MDN1: variants seen among roughly 807,000 people sequenced by gnomAD.
MDN1 encodes the protein midasin AAA ATPase 1.
Under a neutral mutation model 669.2 loss-of-function variants are expected in MDN1, and 266 were observed. The ratio of observed to expected loss-of-function variants is 0.40; its 90% confidence interval spans 0.36 to 0.44. The LOEUF is 0.44. Among genes scored for constraint, MDN1 ranks in the 20% least tolerant of loss-of-function variants. The pLI is 1.00. For synonymous variants in MDN1, 2,385 were observed against 2,457.1 expected, an observed-to-expected ratio of 0.97 and a Z score of 0.87; for missense variants, 5,940 against 6,754.0, an observed-to-expected ratio of 0.88 and a Z score of 4.22.
At chr6:89,732,133 C>A (rs928565987) in intron 34 of MDN1, among the ~76,000 whole-genome samples, 16 of 151,918 alleles carry the variant, frequency 1.1e-4, no homozygotes, top group African/African-American at 3.6e-4. Context: ...CTCATGGCAA[C>A]TGGCCAAAAA....
At position 89,786,474 on chromosome 6, in the gene MDN1, G is replaced by T. The variant is rs548854064; in HGVS notation, c.1335-1348C>A. Among the ~76,000 whole-genome samples the T allele has an allele frequency of 1.8e-4, 28 of 151,882 alleles. No homozygotes were observed. In the South Asian group the frequency reaches 5.9e-3, roughly 32 times the overall value. On this transcript the variant is annotated intron_variant, in intron 8 of 101. Coordinates refer to ENST00000369393, the MANE Select transcript of MDN1 (RefSeq NM_014611.3). Reference sequence around the variant, plus strand: ...AATTTGTTTTTAGCCAGGCATGGTGGTGTACCCCTGTAGTCCTAGCTACTC... The same window carrying T: ...AATTTGTTTTTAGCCAGGCATGGTGTTGTACCCCTGTAGTCCTAGCTACTC...
chr6:89,675,435 T>G, intron 78 of MDN1, 29 bp downstream of exon 78: 1 of 1,586,734 alleles, frequency 6.3e-7, no homozygotes, highest in Non-Finnish European at 8.6e-7. Context: ...TCCCAATTCA[T>G]GCCACAAGCC....
chr6:89,664,682 C>T, intron 84 of MDN1, 54 bp from the exon 85 acceptor site: 1 of 1,445,120 alleles, frequency 6.9e-7, no homozygotes, highest in East Asian at 2.3e-5. Flanking sequence ...ATGTTTGCTT[C>T]AGCTGTGAGA....
At position 89,706,040 on chromosome 6, in the gene MDN1, A is replaced by T; in HGVS notation, c.8148+19T>A. The T allele has an allele frequency of 6.5e-7, 1 of 1,545,734 alleles. No individual in the cohort carries two copies. Among genetic ancestry groups the T allele is most frequent in the Non-Finnish European group, 8.7e-7 (1 of 1,143,220 alleles). ...ATAAATTTTGTTGTTTAAAAATAAA[A>T]CAAGATGCAGTTCCTTACCTCATTG... On this transcript the variant is annotated intron_variant, in intron 53 of 101. Transcript: ENST00000369393.
intron 59 of MDN1, among the ~76,000 whole-genome samples, chr6:89,697,775 T>A (rs1022619269): frequency 4.0e-5 from 6 of 151,742 alleles, no homozygotes; most frequent in African/African-American, 1.5e-4. Flanking sequence ...AGAGACAGGG[T>A]TTCACCATGT....
intron 51 of MDN1, among the ~76,000 whole-genome samples, 187 bp from the exon 52 acceptor site, chr6:89,707,663 C>G (rs1461185972): frequency 6.6e-6 from 1 of 152,108 alleles, no homozygotes; most frequent in Non-Finnish European, 1.5e-5. Context: ...AAGGAAAGAT[C>G]GATGGATGGA....
intron 26 of MDN1, 57 bp downstream of exon 26, chr6:89,749,166 A>G: frequency 1.5e-5 from 22 of 1,460,118 alleles, no homozygotes; most frequent in Non-Finnish European, 2.0e-5. Context: ...TAACAAAAGA[A>G]GCCATGAAAT....
intron 2 of MDN1, among the ~76,000 whole-genome samples, chr6:89,798,133 G>T (rs1400234130): frequency 7.3e-6 from 1 of 136,612 alleles, no homozygotes; most frequent in Non-Finnish European, 1.5e-5. Flanking sequence ...AGTGAGCCGA[G>T]ATCGTGCCAC....
intron 1 of MDN1, among the ~76,000 whole-genome samples, chr6:89,809,776 A>AAAAT (rs1435433651): frequency 2.2e-5 from 3 of 137,406 alleles, no homozygotes; most frequent in Non-Finnish European, 4.7e-5. Flanking sequence ...ACTCCCTCTC[A>AAAAT]AAATAAATAA....
chr6:89,763,244 C>A (rs1308302151), intron 15 of MDN1, among the ~76,000 whole-genome samples: 2 of 151,248 alleles, frequency 1.3e-5, no homozygotes, highest in African/African-American at 2.4e-5. Context: ...TTAAACACAG[C>A]CCACACATTA....
In MDN1 at chr6:89,774,608, G is replaced by A. The variant is rs748509739; in HGVS notation, c.1934+13C>T. 5 of 1,596,148 alleles carry A rather than the reference G, an allele frequency of 3.1e-6. No individual in the cohort carries two copies. The African/African-American group carries it at 5.4e-5, about 17-fold the overall frequency. On this transcript the variant is annotated intron_variant, in intron 13 of 101. Transcript: ENST00000369393. The stretch of plus-strand genomic sequence containing the variant: ...ACCCCACAGTTGGCAGCTTAGTTTA[G>A]AGCCCTACTTACCTCTGTAGGTGAA...
chr6:89,705,441 CAT>C (rs1324623976), intron 53 of MDN1, among the ~76,000 whole-genome samples: 2 of 152,152 alleles, frequency 1.3e-5, no homozygotes, highest in Non-Finnish European at 2.9e-5. Context: ...ATTTAATCCA[CAT>C]GTGACAATAA....
rs1454845652 is a variant in MDN1 at position 89,648,063 on chromosome 6, T to G, written c.16364A>C (p.Lys5455Thr). The G allele has an allele frequency of 1.9e-6, 3 of 1,614,020 alleles. No homozygotes were observed. Among genetic ancestry groups the G allele is most frequent in the Non-Finnish European group, 2.5e-6 (3 of 1,179,958 alleles). Reference protein sequence around the residue: ...YSGSQILRLCKFQQKKTKIAQ... With the variant: ...YSGSQILRLCTFQQKKTKIAQ... ...AATCTTGGTTTTCTTTTGTTGGAAT[T>G]TGCAGAGACGTAGAATCTGGGACCC... is the stretch of plus-strand genomic sequence containing the variant. Residue 5455 changes from lysine (K) to threonine (T), a missense_variant, in exon 99 of 102, where the codon AAA becomes ACA. Physicochemically the swap from Lys to Thr is moderately conservative, Grantham distance 78. Transcript: ENST00000369393.
Position 89,662,161 on chromosome 6 carries a change from T to C in MDN1, c.14491A>G (p.Lys4831Glu), listed in dbSNP as rs1809827704. 6.2e-7 allele frequency: 1 copy of C among 1,613,998 alleles called. No homozygotes were observed. Among genetic ancestry groups the C allele is most frequent in the Non-Finnish European group, 8.5e-7 (1 of 1,180,018 alleles). Residue 4831 changes from lysine to glutamate, a missense_variant, in exon 87 of 102, where the codon AAG becomes GAG. Lys to Glu is a moderately conservative substitution (Grantham distance 56). Transcript: ENST00000369393. ...GCTTCTGCTTCTTCCTTTTCTTCCT[T>C]CTTATCTTGCTGGCTTTTATCTTTG... The part of the protein sequence containing the change: ...SNKDKSQQDK[K>E]EEKEEAEADD...
In MDN1 at chr6:89,712,065, T is replaced by C. The variant is rs770346961; in HGVS notation, c.7622A>G (p.His2541Arg). 20 of 1,614,116 alleles carry C rather than the reference T, an allele frequency of 1.2e-5. No individual in the cohort carries two copies. In the Admixed American group the frequency reaches 3.2e-4, roughly 26 times the overall value. Reference protein sequence around the residue: ...DWMLRVKWLYHLAKNIPQGLE... With the variant: ...DWMLRVKWLYRLAKNIPQGLE... Reference sequence around the variant, plus strand: ...CCCCTGCGGTATATTCTTGGCTAAATGATAAAGCCATTTAACTCTGAGCAT... The same window carrying C: ...CCCCTGCGGTATATTCTTGGCTAAACGATAAAGCCATTTAACTCTGAGCAT... Residue 2541 changes from histidine (H) to arginine (R), a missense_variant, in exon 49 of 102, where the codon CAT (histidine) becomes CGT (arginine). His to Arg is a conservative substitution (Grantham distance 29, BLOSUM62 0). Transcript: ENST00000369393.
Position 89,723,634 on chromosome 6 carries a change from ATAATAT to A in MDN1, c.5671-21_5671-16del. Reference sequence around the variant, plus strand: ...TCAACGAAGACCTAGAAATCCAAAAATAATATGAAGAAATGCCTTTGTTTCTCTTTA... The same window carrying A: ...TCAACGAAGACCTAGAAATCCAAAAAGAAGAAATGCCTTTGTTTCTCTTTA... On this transcript the variant is annotated splice_polypyrimidine_tract_variant and intron_variant, in intron 38 of 101. Transcript: ENST00000369393. 1 of 1,441,358 alleles carries A rather than the reference ATAATAT, an allele frequency of 6.9e-7. No homozygotes were observed. Among genetic ancestry groups the A allele is most frequent in the South Asian group, 1.3e-5 (1 of 77,904 alleles). The allele number at this position is 1,441,358 out of a possible 1,614,324, so 89.3% of individuals were successfully genotyped here.
At position 89,725,217 on chromosome 6, in the gene MDN1, G is replaced by C. The variant is rs1317972752; in HGVS notation, c.5652C>G (p.Phe1884Leu). The change falls in exon 38 of 102, where the codon TTC (phenylalanine) becomes TTG (leucine). Residue 1884 changes from phenylalanine (F) to leucine (L), a missense_variant. Transcript: ENST00000369393. ...ATCTTACCTGAGTGAATCTGTTAAG[G>C]AAAGACCTGGGCAAGCCTTTCCTCC... ...GGGRKGLPRS[F>L]LNRFTQVFVD... 6.2e-7 allele frequency: 1 copy of C among 1,613,928 alleles called. No homozygotes were observed. The highest frequency in any genetic ancestry group is 1.1e-5 in the South Asian group (1 of 91,068).
chr6:89,818,712 G>A (rs1485652832), intron 1 of MDN1, among the ~76,000 whole-genome samples: 2 of 151,892 alleles, frequency 1.3e-5, no homozygotes, highest in African/African-American at 2.4e-5. Flanking sequence ...GAGAGGGTGA[G>A]GCAGGAGAAT....
chr6:89,810,026 A>T (rs1163889727), intron 1 of MDN1, among the ~76,000 whole-genome samples: 1 of 135,146 alleles, frequency 7.4e-6, no homozygotes. Flanking sequence ...AAAAAAAAAA[A>T]TTAAGTTTGG....
Sources: allele counts gnomAD v4.1 joint callset (sites outside exome capture counted in the v4.1 genomes callset), GRCh38; gene constraint gnomAD v4.1.1; transcripts MANE v1.5; gene names NCBI Gene and HGNC (gene_info 2026-07-23, HGNC 2026-07-21).